GRIN2C: variants seen among roughly 807,000 people sequenced by gnomAD.
GRIN2C encodes glutamate ionotropic receptor NMDA type subunit 2C, also known as glutamate receptor ionotropic, NMDA 2C.
GRIN2C carries 64 observed loss-of-function variants against 77.7 expected under a neutral mutation model. The observed-to-expected ratio is 0.82, with a 90% CI of 0.67 to 1.01. The LOEUF is 1.01. GRIN2C is among the 50% of genes least tolerant of loss of function. The probability of loss-of-function intolerance (pLI) is 0.00; values close to 1 mark genes in which losing one functional copy is unlikely to be tolerated. For synonymous variants in GRIN2C, 792 were observed against 643.4 expected (o/e 1.23, Z -3.49); for missense variants, 1,549 against 1,486.0 (o/e 1.04, Z -0.70).
At chr17:74,853,401 C>G (rs1172866611) in intron 2 of GRIN2C, 1 of 152,204 alleles carries the variant, frequency 6.6e-6, no homozygotes, top group South Asian at 2.1e-4. Context: ...ACCAACCAAC[C>G]GGCACGTGTG....
Position 74,843,269 on chromosome 17 carries a change from G to A in GRIN2C, c.2868C>T (p.Ser956=), listed in dbSNP as rs932624625. 1.9e-5 allele frequency: 17 copies of A among 916,354 alleles called. No individual in the cohort carries two copies. The highest frequency in any genetic ancestry group is 2.6e-5 in the Non-Finnish European group (17 of 654,628). The allele number at this position is 916,354 out of a possible 1,614,324, so 56.8% of individuals were successfully genotyped here. A position where few individuals can be genotyped will look rare whatever the true frequency, so the allele number is the denominator to read the frequency against. Residue 956 remains serine (S), a synonymous_variant, in exon 13 of 13, where the codon AGC becomes AGT. Transcript: ENST00000293190. ...LPTPDPPPEP[S]PTGWGPPDGG... Reference sequence around the variant, plus strand: ...CGTCTGGCGGTCCCCAGCCCGTGGGGCTCGGCTCTGGGGGCGGGTCGGGGG... The same window carrying A: ...CGTCTGGCGGTCCCCAGCCCGTGGGACTCGGCTCTGGGGGCGGGTCGGGGG...
chr17:74,843,930 G>C, intron 12 of GRIN2C: 1 of 474,110 alleles, frequency 2.1e-6, no homozygotes, highest in Non-Finnish European at 3.7e-6. Context: ...CTGGAGTGCA[G>C]TGGTGCCATC....
chr17:74,847,289 G>GC lies in GRIN2C; in HGVS notation c.2001+18dup. ...CCCTCAGTGCCCCCCCCCACCCCCA[G>GC]CAGCTATGGCCCCACAACCTTCTTG... On this transcript the variant is annotated intron_variant, in intron 9 of 12. Transcript: ENST00000293190. This position sits in a 1 kb window ranked among gnomAD's most constrained non-coding sequence, Gnocchi z 5.2. The GC allele has an allele frequency of 2.4e-6, 1 of 411,744 alleles. No homozygotes were observed. 25.5% of individuals were successfully genotyped at this position (411,744 alleles called of 1,614,324 possible).
rs1332094759 is a variant in GRIN2C, at chr17:74,849,815, C to T, written c.1610G>A (p.Arg537His). The T allele has an allele frequency of 8.1e-6, 13 of 1,612,982 alleles. No homozygotes were observed. The highest frequency in any genetic ancestry group is 1.1e-5 in the South Asian group (1 of 91,004). ...CGAGGGGGAGACGGTGCCATTGCTG[C>T]GAGCCACCATCACACTGATGCCCGT... Reference protein sequence around the residue: ...VETGISVMVARSNGTVSPSAF... With the variant: ...VETGISVMVAHSNGTVSPSAF... Residue 537 changes from arginine (R) to histidine (H), a missense_variant, in exon 7 of 13, where the codon CGC becomes CAC. Arg to His is a conservative substitution (Grantham distance 29). This residue lies in a region of GRIN2C where 717 missense variants were observed against 858.1 expected (regional missense o/e 0.84). Coordinates refer to ENST00000293190, the MANE Select transcript of GRIN2C (RefSeq NM_000835.6). The surrounding 1 kb of genome is among the most constrained non-coding windows in gnomAD (Gnocchi z 4.6).
chr17:74,845,393 T>A (rs909608877), intron 11 of GRIN2C, among the ~76,000 whole-genome samples: 13 of 151,572 alleles, frequency 8.6e-5, no homozygotes, highest in African/African-American at 2.9e-4. Flanking sequence ...GCCTCCCAAG[T>A]AGCTGGGATT....
At chr17:74,860,701 C>T (rs951858786), upstream of GRIN2C, 30 of 351,768 alleles carry the variant, frequency 8.5e-5, no homozygotes, top group African/African-American at 6.2e-4. Context: ...CTCTGGAAGC[C>T]CGGGAGCCGG....
chr17:74,843,444 T>A lies in GRIN2C; in HGVS notation c.2693A>T (p.Gln898Leu). The change falls in exon 13 of 13, where the codon CAG becomes CTG. Residue 898 changes from glutamine to leucine, a missense_variant. Gln to Leu is a moderately radical substitution (Grantham distance 113). Transcript: ENST00000293190. ...SAQASVLKML[Q>L]AARDMVTTAG... ...CGTGGTCACCATGTCGCGGGCTGCC[T>A]GCAGCATCTTGAGCACGCTGGCCTG... 6.5e-7 allele frequency: 1 copy of A among 1,535,538 alleles called. No homozygotes were observed. The highest frequency in any genetic ancestry group is 8.7e-7 in the Non-Finnish European group (1 of 1,146,258).
rs1402978432 is a variant in GRIN2C, at chr17:74,849,130, T to C, written c.1645+650A>G. Among the ~76,000 whole-genome samples the C allele has an allele frequency of 7.6e-5, 11 of 144,416 alleles. No homozygotes were observed. Among genetic ancestry groups the C allele is most frequent in the South Asian group, 4.5e-4 (2 of 4,450 alleles). The allele number at this position is 144,416 out of a possible 152,430, so 94.7% of individuals were successfully genotyped here. On this transcript the variant is annotated intron_variant, in intron 7 of 12. Transcript: ENST00000293190. This position sits in a 1 kb window ranked among gnomAD's most constrained non-coding sequence, Gnocchi z 4.6. ...CTATGCTATGAAGTGGTTTTTTTTT[T>C]CCTCTCTTCCGTGGCTGAGGAGCCT...
At chr17:74,860,376 G>A, upstream of GRIN2C, 1 of 456,054 alleles carries the variant, frequency 2.2e-6, no homozygotes, top group Non-Finnish European at 4.4e-6. Context: ...CCCCTTGGAC[G>A]ACCAGGGCTG....
At chr17:74,843,896 C>T (rs2037379931) in intron 12 of GRIN2C, 1 of 402,854 alleles carries the variant, frequency 2.5e-6, no homozygotes, top group Non-Finnish European at 4.3e-6. Flanking sequence ...TTTTTAGAAA[C>T]AGGATCTCAC....
chr17:74,855,160 G>T, intron 1 of GRIN2C, 53 bp from the exon 2 acceptor site: 3 of 1,407,356 alleles, frequency 2.1e-6, no homozygotes, highest in Non-Finnish European at 1.9e-6. Flanking sequence ...TTGGAGAGAG[G>T]CAGATGGACA....
chr17:74,859,577 C>A lies in GRIN2C; in HGVS notation c.-16+167G>T, dbSNP rs960249467. ...CCCTCCCTTTTGCCCAGCCAAAACC[C>A]GAACCCAGGCGCCAGGGGAGAGGAC... On this transcript the variant is annotated intron_variant, in intron 1 of 12. Transcript: ENST00000293190. The surrounding 1 kb of genome is among the most constrained non-coding windows in gnomAD (Gnocchi z 5.9). Among the ~76,000 whole-genome samples the A allele has an allele frequency of 6.6e-6, 1 of 151,942 alleles. No homozygotes were observed. The highest frequency in any genetic ancestry group is 1.9e-4 in the East Asian group (1 of 5,156).
At chr17:74,851,258 C>G (rs1264824355) in intron 4 of GRIN2C, 1 of 353,336 alleles carries the variant, frequency 2.8e-6, no homozygotes, top group African/African-American at 2.0e-5. Context: ...AGCACTTGTC[C>G]CTGCATATTG....
Position 74,846,827 on chromosome 17 carries a change from T to C in GRIN2C, c.2095A>G (p.Met699Val), listed in dbSNP as rs974560578. 6.2e-7 allele frequency: 1 copy of C among 1,614,116 alleles called. No homozygotes were observed. Among genetic ancestry groups the C allele is most frequent in the South Asian group, 1.1e-5 (1 of 91,088 alleles). Reference protein sequence around the residue: ...ERNIRSNYRDMHTHMVKFNQR... With the variant: ...ERNIRSNYRDVHTHMVKFNQR... The stretch of plus-strand genomic sequence containing the variant: ...TTGAACTTGACCATGTGGGTGTGCA[T>C]GTCACGGTAGTTACTGCGGATGTTC... The change falls in exon 10 of 13, where the codon ATG becomes GTG. Residue 699 changes from methionine (M) to valine (V), a missense_variant. By Grantham distance (21) the Met-to-Val change is conservative. Around this residue, in one of 3 missense-constraint regions of GRIN2C, gnomAD observed 717 missense variants for 858.1 expected, o/e 0.84. Coordinates refer to ENST00000293190, the MANE Select transcript of GRIN2C (RefSeq NM_000835.6). This position sits in a 1 kb window ranked among gnomAD's most constrained non-coding sequence, Gnocchi z 4.4.
intron 1 of GRIN2C, among the ~76,000 whole-genome samples, chr17:74,856,023 G>A (rs949595341): frequency 5.9e-5 from 9 of 152,226 alleles, no homozygotes; most frequent in Non-Finnish European, 1.2e-4. Context: ...CTGGCCTCTC[G>A]GGCCATCACT....
At chr17:74,845,550 A>G (rs909620461) in intron 11 of GRIN2C, among the ~76,000 whole-genome samples, 27 of 152,112 alleles carry the variant, frequency 1.8e-4, no homozygotes, top group Non-Finnish European at 4.4e-5. Context: ...GGTTATAGCC[A>G]TGAGCCACCA....
At chr17:74,858,555 G>T (rs1342168296) in intron 1 of GRIN2C, among the ~76,000 whole-genome samples, 1 of 151,360 alleles carries the variant, frequency 6.6e-6, no homozygotes, top group Admixed American at 6.6e-5. Context: ...GAGGTAGGAG[G>T]GACAAACTCC....
rs1046372437 is a variant in GRIN2C, at chr17:74,846,648, C to T, written c.2162+112G>A. 3 of 1,177,028 alleles carry T rather than the reference C, an allele frequency of 2.5e-6. No individual in the cohort carries two copies. In the African/African-American group the frequency reaches 4.6e-5, roughly 18 times the overall value. 72.9% of individuals were successfully genotyped at this position (1,177,028 alleles called of 1,614,324 possible). ...TGCCCCAAGACCTCTTCCCTCCACC[C>T]CACAGGAGTCCTGCAGGACAGCCCA... On this transcript the variant is annotated intron_variant, in intron 10 of 12. Transcript: ENST00000293190. The surrounding 1 kb of genome is among the most constrained non-coding windows in gnomAD (Gnocchi z 4.4).
chr17:74,845,659 C>T (rs1222206804), intron 11 of GRIN2C, among the ~76,000 whole-genome samples: 3 of 152,156 alleles, frequency 2.0e-5, no homozygotes, highest in Non-Finnish European at 4.4e-5. Flanking sequence ...ACCACTCACA[C>T]ATGTGGGACT....
Sources: gnomAD v4.1 joint callset for allele counts (sites outside exome capture counted in the v4.1 genomes callset) on GRCh38, gnomAD v4.1.1 for gene constraint, gnomAD v4.1.1 regional missense constraint, Gnocchi (gnomAD v3.1) non-coding constraint, MANE v1.5 for transcripts, NCBI Gene and HGNC (gene_info 2026-07-23, HGNC 2026-07-21) for gene names.